The following FAM107B variants were observed in gnomAD, a reference collection of about 807,000 sequenced individuals.
FAM107B encodes the protein protein FAM107B.
In FAM107B, 21 loss-of-function variants were observed where a neutral mutation model predicts 31.5. The ratio of observed to expected loss-of-function variants is 0.67; its 90% CI spans 0.47 to 0.96. FAM107B has a LOEUF of 0.96. Ranked by LOEUF, FAM107B falls within the 40% of genes least tolerant of loss-of-function variation. The pLI is 0.00. For synonymous variants in FAM107B, 157 were observed against 141.5 expected (o/e 1.11, Z -0.78); for missense variants, 452 against 377.1 (o/e 1.20, Z -1.64).
intron 2 of FAM107B, among the ~76,000 whole-genome samples, chr10:14,654,524 C>T (rs1853989590): frequency 6.6e-6 from 1 of 152,142 alleles, no homozygotes; most frequent in Non-Finnish European, 1.5e-5. Context: ...GATAAGAAAT[C>T]AGAGGTGATC....
intron 2 of FAM107B, among the ~76,000 whole-genome samples, chr10:14,534,323 G>C (rs913053427): frequency 6.6e-6 from 1 of 152,066 alleles, no homozygotes; most frequent in Admixed American, 6.6e-5. Flanking sequence ...TGGTGGTGGC[G>C]GGAGAACCAT....
Position 14,522,001 on chromosome 10 carries a change from G to T in FAM107B, c.672C>A (p.Asn224Lys), listed in dbSNP as rs776506034. ...CCATCACCTTCTGCAATTCTGGTTT[G>T]TTCTGAGGAGCAAGACCCCTGCGAA... ...MNQKRGLAPQ[N>K]KPELQKVMEK... is the part of the protein sequence containing the mutation. Residue 224 changes from asparagine (N) to lysine (K), a missense_variant, in exon 4 of 5, where the codon AAC becomes AAA. Coordinates refer to ENST00000181796, the MANE Select transcript of FAM107B (RefSeq NM_031453.4). 8 of 1,613,598 alleles carry T rather than the reference G, an allele frequency of 5.0e-6. No homozygotes were observed. The Admixed American group carries it at 1.0e-4, about 20-fold the overall frequency.
intron 1 of FAM107B, among the ~76,000 whole-genome samples, chr10:14,758,259 T>G (rs1832969019): frequency 6.6e-6 from 1 of 152,192 alleles, no homozygotes; most frequent in Non-Finnish European, 1.5e-5. Flanking sequence ...GGAACTGTTT[T>G]CCTTAAGGAA....
At position 14,522,051 on chromosome 10, in the gene FAM107B, G is replaced by C. The variant is rs150257845; in HGVS notation, c.654-32C>G. The C allele has an allele frequency of 2.8e-5, 45 of 1,586,572 alleles. 1 individual carries two copies. Among genetic ancestry groups the C allele is most frequent in the Admixed American group, 5.7e-5 (3 of 52,420 alleles). ...AAGAGCATTAACAAAAATAGAAAAC[G>C]TTAATCTAATGGCTACATTTTTTAT... On this transcript the variant is annotated intron_variant, in intron 3 of 4. Transcript: ENST00000181796.
At chr10:14,685,799 A>G (rs562903483) in intron 1 of FAM107B, among the ~76,000 whole-genome samples, 4 of 152,322 alleles carry the variant, frequency 2.6e-5, no homozygotes, top group African/African-American at 9.6e-5. Flanking sequence ...CCGCTGATAA[A>G]GACATACCCA....
intron 2 of FAM107B, among the ~76,000 whole-genome samples, chr10:14,534,194 C>T (rs1241843799): frequency 6.6e-6 from 1 of 152,134 alleles, no homozygotes. Flanking sequence ...GAACAGGTGG[C>T]ATGGTCCCTG....
intron 2 of FAM107B, among the ~76,000 whole-genome samples, chr10:14,580,019 CA>C (rs34296189): frequency 0.67 from 93,372 of 139,118 alleles, 30,217 homozygotes; most frequent in East Asian, 0.79. Context: ...GACTTCATTT[CA>C]AAAAAAAAAA....
intron 1 of FAM107B, among the ~76,000 whole-genome samples, chr10:14,766,343 T>C (rs1833160825): frequency 1.3e-5 from 2 of 152,206 alleles, no homozygotes; most frequent in African/African-American, 4.8e-5. Context: ...TTTAGTTATT[T>C]GCAGCATGAG....
At chr10:14,617,714 A>G (rs1404218575) in intron 2 of FAM107B, among the ~76,000 whole-genome samples, 1 of 148,780 alleles carries the variant, frequency 6.7e-6, no homozygotes, top group Non-Finnish European at 1.5e-5. Context: ...TCCGGTCAGG[A>G]GTAAAGAATA....
intron 1 of FAM107B, among the ~76,000 whole-genome samples, chr10:14,676,952 G>C (rs1216896850): frequency 6.6e-6 from 1 of 152,168 alleles, no homozygotes; most frequent in East Asian, 1.9e-4. Context: ...CATGAAAGCA[G>C]AGAGTCCTGG....
chr10:14,626,020 A>C (rs1462646109), intron 2 of FAM107B, among the ~76,000 whole-genome samples: 1 of 152,194 alleles, frequency 6.6e-6, no homozygotes, highest in Non-Finnish European at 1.5e-5. Flanking sequence ...CATTAGAGCC[A>C]AGGGGAGGCT....
At chr10:14,535,760 T>C (rs894432606) in intron 2 of FAM107B, among the ~76,000 whole-genome samples, 1 of 152,228 alleles carries the variant, frequency 6.6e-6, no homozygotes, top group Non-Finnish European at 1.5e-5. Flanking sequence ...AATAACAGAA[T>C]TGTATTTCAG....
At position 14,722,258 on chromosome 10, in the gene FAM107B, A is replaced by G. The variant is rs140255643; in HGVS notation, c.411+51995T>C. On this transcript the variant is annotated intron_variant, in intron 1 of 4. Transcript: ENST00000181796. ...ATTTTCTATCCCTATAGGTTTGCCA[A>G]TTTTGTACATTTTATAAAAATGAAA... Among the ~76,000 whole-genome samples the G allele has an allele frequency of 1.3e-3, 196 of 152,284 alleles. 2 individuals carry two copies. The highest frequency in any genetic ancestry group is 4.6e-3 in the African/African-American group (191 of 41,562).
intron 2 of FAM107B, among the ~76,000 whole-genome samples, chr10:14,577,764 C>T (rs1455746275): frequency 2.0e-5 from 3 of 152,178 alleles, no homozygotes; most frequent in African/African-American, 7.2e-5. Context: ...GAAGCAGGCC[C>T]AATGTTTTTA....
At position 14,617,279 on chromosome 10, in the gene FAM107B, T is replaced by C. The variant is rs1281207201; in HGVS notation, c.469+50355A>G. On this transcript the variant is annotated intron_variant, in intron 2 of 4. Coordinates refer to ENST00000181796, the MANE Select transcript of FAM107B (RefSeq NM_031453.4). ...TTCCTGCTCTGCACCTTGCTAGCAA[T>C]TGTTGCATATCAAGATAAAAGCATC... Among the ~76,000 whole-genome samples, 4 of 152,254 alleles carry C rather than the reference T, an allele frequency of 2.6e-5. No individual in the cohort carries two copies. The East Asian group carries it at 7.7e-4, about 29-fold the overall frequency.
intron 2 of FAM107B, among the ~76,000 whole-genome samples, chr10:14,592,288 T>C (rs1204164565): frequency 6.6e-6 from 1 of 152,200 alleles, no homozygotes; most frequent in Non-Finnish European, 1.5e-5. Flanking sequence ...GAAGAGGCAG[T>C]TCCTGGGGCT....
chr10:14,669,755 T>C (rs894794511), intron 1 of FAM107B, among the ~76,000 whole-genome samples: 6 of 152,202 alleles, frequency 3.9e-5, no homozygotes, highest in African/African-American at 1.4e-4. Flanking sequence ...GAAAGTAGAA[T>C]GATAGTTACC....
At chr10:14,643,724 T>C (rs527560541) in intron 2 of FAM107B, among the ~76,000 whole-genome samples, 1 of 152,192 alleles carries the variant, frequency 6.6e-6, no homozygotes, top group African/African-American at 2.4e-5. Context: ...GTCTGTTTTA[T>C]GCAGCAAACT....
At chr10:14,694,486 C>T (rs6602755) in intron 1 of FAM107B, among the ~76,000 whole-genome samples, 13,112 of 152,152 alleles carry the variant, frequency 0.086, 744 homozygotes, top group East Asian at 0.24. Context: ...TGGGTTCAAG[C>T]GATTCTCCTG....
Sources: allele counts gnomAD v4.1 joint callset (sites outside exome capture counted in the v4.1 genomes callset), GRCh38; gene constraint gnomAD v4.1.1; transcripts MANE v1.5; gene names NCBI Gene and HGNC (gene_info 2026-07-23, HGNC 2026-07-21).